XIRP2: variants seen among roughly 807,000 people sequenced by gnomAD.
XIRP2 encodes the protein xin actin-binding repeat-containing protein 2.
In XIRP2, 236 loss-of-function variants were observed where a neutral mutation model predicts 277.0. That is an observed-to-expected ratio of 0.85 (90% confidence interval 0.77 to 0.95). The LOEUF (loss-of-function observed/expected upper bound fraction) is 0.95, where lower values mean the gene tolerates loss of function less well. XIRP2 is among the 40% of genes least tolerant of loss of function. The pLI, the probability that XIRP2 is intolerant of heterozygous loss-of-function variation, is 0.00. For missense variants in XIRP2, 4,640 were observed against 4,157.5 expected, an observed-to-expected ratio of 1.12 and a Z score of -3.19; for synonymous variants, 1,490 against 1,416.5, an observed-to-expected ratio of 1.05 and a Z score of -1.17.
chr2:166,912,439 G>C (rs574716596), intron 2 of XIRP2, among the ~76,000 whole-genome samples: 1 of 152,238 alleles, frequency 6.6e-6, no homozygotes, highest in South Asian at 2.1e-4. Flanking sequence ...TAGTTCTCGT[G>C]CCATGTTTTT....
At chr2:167,257,430 A>G (rs1019088289) in intron 10 of XIRP2, among the ~76,000 whole-genome samples, 19 of 152,000 alleles carry the variant, frequency 1.3e-4, no homozygotes, top group Admixed American at 2.0e-4. Context: ...AAGAGGCCAC[A>G]TAAGCAATTG....
chr2:167,010,423 A>G (rs1183542178), intron 2 of XIRP2, among the ~76,000 whole-genome samples: 5 of 151,320 alleles, frequency 3.3e-5, no homozygotes, highest in South Asian at 4.2e-4. Flanking sequence ...TGTTCCATTG[A>G]TCTATATCTC....
chr2:167,115,014 C>G (rs1018044428), intron 2 of XIRP2, among the ~76,000 whole-genome samples: 24 of 152,112 alleles, frequency 1.6e-4, no homozygotes, highest in African/African-American at 5.1e-4. Context: ...CCTGAGGAAT[C>G]GCCACACTGA....
At chr2:167,069,608 G>C (rs940273612) in intron 2 of XIRP2, among the ~76,000 whole-genome samples, 1 of 152,030 alleles carries the variant, frequency 6.6e-6, no homozygotes, top group Admixed American at 6.6e-5. Flanking sequence ...GAAACTGACC[G>C]TGTGCATGAA....
chr2:167,026,082 G>A (rs1405178298), intron 2 of XIRP2, among the ~76,000 whole-genome samples: 3 of 152,092 alleles, frequency 2.0e-5, no homozygotes, highest in African/African-American at 4.8e-5. Context: ...ATTATTGTGT[G>A]GGAGTCTAAG....
At chr2:167,083,660 A>G (rs1689817614) in intron 2 of XIRP2, among the ~76,000 whole-genome samples, 1 of 152,152 alleles carries the variant, frequency 6.6e-6, no homozygotes, top group Admixed American at 6.6e-5. Context: ...GATCCTTCAC[A>G]TCCCTTGTAA....
In XIRP2 at chr2:167,247,876, A is replaced by G. The variant is rs780886054; in HGVS notation, c.6484A>G (p.Ser2162Gly). The G allele has an allele frequency of 4.7e-5, 76 of 1,613,532 alleles. No individual in the cohort carries two copies. The highest frequency in any genetic ancestry group is 6.3e-5 in the Non-Finnish European group (74 of 1,179,790). ...AACTGATACACAAAGCTCCAAGCCCAGTCCCACCCAGCATCCAGTCAGCAT... is the reference window on the plus strand; with the variant it reads ...AACTGATACACAAAGCTCCAAGCCCGGTCCCACCCAGCATCCAGTCAGCAT... ...ILTDTQSSKPSPTQHPVSMPV... is the reference protein window; with the variant it reads ...ILTDTQSSKPGPTQHPVSMPV... Residue 2162 changes from serine (S) to glycine (G), a missense_variant, in exon 9 of 11, where the codon AGT (serine) becomes GGT (glycine). Coordinates refer to ENST00000409195, the MANE Select transcript of XIRP2 (RefSeq NM_152381.6).
At chr2:167,054,795 A>G (rs1689001427) in intron 2 of XIRP2, among the ~76,000 whole-genome samples, 1 of 152,168 alleles carries the variant, frequency 6.6e-6, no homozygotes, top group Admixed American at 6.5e-5. Flanking sequence ...AGTATCCTAG[A>G]GCCATTTGAA....
chr2:167,029,792 C>T (rs1188913210), intron 2 of XIRP2, among the ~76,000 whole-genome samples: 2 of 152,102 alleles, frequency 1.3e-5, no homozygotes, highest in South Asian at 4.1e-4. Flanking sequence ...TACAGCTCCT[C>T]TTTGTACCTC....
intron 2 of XIRP2, among the ~76,000 whole-genome samples, chr2:167,115,152 T>C (rs546413192): frequency 6.6e-6 from 1 of 152,310 alleles, no homozygotes; most frequent in Non-Finnish European, 1.5e-5. Flanking sequence ...TGGTGTGAGA[T>C]GGTATCTCAC....
At chr2:167,040,694 G>T (rs952908114) in intron 2 of XIRP2, among the ~76,000 whole-genome samples, 16 of 152,270 alleles carry the variant, frequency 1.1e-4, no homozygotes, top group Admixed American at 5.9e-4. Context: ...AGTGGAACAA[G>T]GCCAGGCTGA....
intron 1 of XIRP2, among the ~76,000 whole-genome samples, chr2:166,898,392 G>T (rs1684297441): frequency 6.6e-6 from 1 of 152,154 alleles, no homozygotes; most frequent in African/African-American, 2.4e-5. Context: ...CCACTGCACA[G>T]TGTGAATGCT....
At chr2:167,095,851 CTTTTTTTTTTTTTTTTTTTTTTT>C (rs60405920) in intron 2 of XIRP2, among the ~76,000 whole-genome samples, 9 of 47,244 alleles carry the variant, frequency 1.9e-4, no homozygotes, top group Non-Finnish European at 2.4e-4. Flanking sequence ...AGGCGTCACT[CTTTTTTTTTTTTTTTTTTTTTTT>C]TTTTTTTTTT....
intron 5 of XIRP2, among the ~76,000 whole-genome samples, chr2:167,222,607 G>A (rs1694465572): frequency 6.6e-6 from 1 of 152,064 alleles, no homozygotes; most frequent in Non-Finnish European, 1.5e-5. Context: ...AAATCAGTAG[G>A]CCCTCAATGC....
At chr2:167,022,502 G>A (rs1311086817) in intron 2 of XIRP2, among the ~76,000 whole-genome samples, 1 of 152,032 alleles carries the variant, frequency 6.6e-6, no homozygotes, top group Non-Finnish European at 1.5e-5. Flanking sequence ...ACAACGTGCA[G>A]GTTAGTTACC....
intron 2 of XIRP2, among the ~76,000 whole-genome samples, chr2:166,978,965 T>C (rs1274396305): frequency 6.6e-6 from 1 of 152,164 alleles, no homozygotes; most frequent in African/African-American, 2.4e-5. Flanking sequence ...TGAGATATCA[T>C]CTTTAAAAAA....
Position 167,064,000 on chromosome 2 carries a change from C to A in XIRP2, c.409-71909C>A, listed in dbSNP as rs188123842. Among the ~76,000 whole-genome samples, 277 of 151,612 alleles carry A rather than the reference C, an allele frequency of 1.8e-3. 1 individual carries two copies. The highest frequency in any genetic ancestry group is 6.4e-3 in the African/African-American group (264 of 41,472). ...AATTACTTTCAATTTTTCCTGCTTG[C>A]TGTGTTTCTTTGTTTCTTTGTTAAA... is the stretch of plus-strand genomic sequence containing the variant. On this transcript the variant is annotated intron_variant, in intron 2 of 10. Coordinates refer to ENST00000409195, the MANE Select transcript of XIRP2 (RefSeq NM_152381.6).
chr2:167,170,629 A>G (rs1288065111), intron 3 of XIRP2, among the ~76,000 whole-genome samples: 3 of 152,082 alleles, frequency 2.0e-5, no homozygotes, highest in African/African-American at 7.2e-5. Context: ...TTCCTTTTAA[A>G]ATCTGCAATA....
Position 167,246,430 on chromosome 2 carries a change from C to T in XIRP2, c.5038C>T (p.Gln1680Ter). The T allele has an allele frequency of 6.2e-7, 1 of 1,613,652 alleles. No individual in the cohort carries two copies. Among genetic ancestry groups the T allele is most frequent in the Non-Finnish European group, 8.5e-7 (1 of 1,179,768 alleles). The change falls in exon 9 of 11, where the codon CAG (glutamine) becomes TAG (stop). Residue 1680 changes from glutamine to a stop codon, truncating the protein, a stop_gained. Transcript: ENST00000409195. LOFTEE classifies it high-confidence loss of function. ...ATCTGTAAAGAAAGGCATCTTAATT[C>T]AGGAAGATGAAAAAGGAGATATTAA... The part of the protein sequence containing the change: ...ERSVKKGILI[Q>*]EDEKGDINMT...
Sources: allele counts gnomAD v4.1 joint callset (sites outside exome capture counted in the v4.1 genomes callset), GRCh38; gene constraint gnomAD v4.1.1; transcripts MANE v1.5; gene names NCBI Gene and HGNC (gene_info 2026-07-23, HGNC 2026-07-21).